Variants in ARHGAP21 observed in about 807,000 individuals in gnomAD.
The protein encoded by ARHGAP21 is Rho GTPase activating protein 21.
Under a neutral mutation model 164.6 loss-of-function variants are expected in ARHGAP21, and 38 were observed. The observed-to-expected ratio is 0.23, with a 90% CI of 0.18 to 0.30. ARHGAP21 has a LOEUF of 0.30. Ranked by LOEUF, ARHGAP21 falls within the 10% of genes least tolerant of loss-of-function variation. The pLI is 1.00. For synonymous variants in ARHGAP21, 766 were observed against 857.9 expected, an observed-to-expected ratio of 0.89 and a Z score of 1.87; for missense variants, 1,822 against 2,370.7, an observed-to-expected ratio of 0.77 and a Z score of 4.81.
chr10:24,719,611 G>A (rs888987156), intron 2 of ARHGAP21, among the ~76,000 whole-genome samples: 1 of 152,144 alleles, frequency 6.6e-6, no homozygotes, highest in African/African-American at 2.4e-5. Flanking sequence ...AATAATAAAT[G>A]TAGTATCCAA....
At chr10:24,629,607 A>ATT (rs201599192) in intron 7 of ARHGAP21, 8 of 153,190 alleles carry the variant, frequency 5.2e-5, no homozygotes, top group South Asian at 1.9e-4. Flanking sequence ...ATAAGATTCT[A>ATT]TTTTTTTTTT....
rs1422338490 is a variant in ARHGAP21, at chr10:24,594,949, C to G, written c.3876+1G>C. On this transcript the variant is annotated splice_donor_variant, in intron 21 of 25. Coordinates refer to ENST00000396432, the MANE Select transcript of ARHGAP21 (RefSeq NM_020824.4). LOFTEE classifies it high-confidence loss of function. ...ATTTCTTCAATAAGCATTTTACATA[C>G]CTTATTTTTTTCTGAATTTTCTGCC... 1 of 1,599,176 alleles carries G rather than the reference C, an allele frequency of 6.3e-7. No individual in the cohort carries two copies. Among genetic ancestry groups the G allele is most frequent in the South Asian group, 1.1e-5 (1 of 90,194 alleles).
chr10:24,607,713 A>T, intron 10 of ARHGAP21, 32 bp downstream of exon 10: 1 of 1,612,144 alleles, frequency 6.2e-7, no homozygotes, highest in Admixed American at 1.7e-5. Flanking sequence ...AGAGCATGAG[A>T]TACGGTTTAC....
At chr10:24,592,757 C>CA (rs963329560) in intron 21 of ARHGAP21, among the ~76,000 whole-genome samples, 2 of 149,370 alleles carry the variant, frequency 1.3e-5, no homozygotes, top group African/African-American at 2.5e-5. Flanking sequence ...AAAAAAAAAA[C>CA]AAAAAACTCC....
intron 23 of ARHGAP21, 81 bp downstream of exon 23, chr10:24,591,561 G>A: frequency 6.5e-7 from 1 of 1,531,800 alleles, no homozygotes. Context: ...TAGCAAAGCA[G>A]GAAGTTGACA....
intron 7 of ARHGAP21, chr10:24,628,912 TATACACATATATATAC>T (rs1436480701): frequency 1.2e-5 from 1 of 84,064 alleles, no homozygotes; most frequent in Admixed American, 1.3e-4. Flanking sequence ...TATACACATA[TATACACATATATATAC>T]ATACATATAT....
chr10:24,589,556 C>A, intron 24 of ARHGAP21: 1 of 423,244 alleles, frequency 2.4e-6, no homozygotes, highest in Non-Finnish European at 4.2e-6. Context: ...CTGTGCTAAA[C>A]AAAAACAGAA....
chr10:24,586,241 C>CT (rs200057186), intron 25 of ARHGAP21, 135 bp from the exon 26 acceptor site: 460 of 1,161,428 alleles, frequency 4.0e-4, no homozygotes, highest in African/African-American at 7.1e-4. Flanking sequence ...GTGCAATTAG[C>CT]TTTTTTTTTA....
intron 2 of ARHGAP21, among the ~76,000 whole-genome samples, chr10:24,704,416 G>A (rs150453521): frequency 0.017 from 2,446 of 147,270 alleles, 60 homozygotes; most frequent in African/African-American, 0.056. Flanking sequence ...TCAGCCTCCC[G>A]AGTAGCTGGG....
intron 2 of ARHGAP21, among the ~76,000 whole-genome samples, chr10:24,682,361 A>G (rs1158138711): frequency 2.6e-5 from 4 of 152,230 alleles, no homozygotes; most frequent in Non-Finnish European, 5.9e-5. Flanking sequence ...TGATGGAGCT[A>G]GCCCATGCTT....
chr10:24,661,521 CAACTGTTT>C (rs1839693738), intron 4 of ARHGAP21, among the ~76,000 whole-genome samples: 1 of 152,130 alleles, frequency 6.6e-6, no homozygotes, highest in Non-Finnish European at 1.5e-5. Context: ...CAAAATCATT[CAACTGTTT>C]AACAGAATTT....
Position 24,607,615 on chromosome 10 carries a change from A to G in ARHGAP21, c.2582-14T>C. The G allele has an allele frequency of 6.2e-7, 1 of 1,613,110 alleles. No individual in the cohort carries two copies. The highest frequency in any genetic ancestry group is 8.5e-7 in the Non-Finnish European group (1 of 1,179,116). ...GGCCAACAGATTCTGTAATTAATTA[A>G]AATCCAATATTTAGACATTCACAAG... On this transcript the variant is annotated splice_polypyrimidine_tract_variant and intron_variant, in intron 10 of 25. Coordinates refer to ENST00000396432, the MANE Select transcript of ARHGAP21 (RefSeq NM_020824.4).
At chr10:24,649,995 A>G (rs1837994839) in intron 4 of ARHGAP21, among the ~76,000 whole-genome samples, 1 of 152,172 alleles carries the variant, frequency 6.6e-6, no homozygotes, top group African/African-American at 2.4e-5. Context: ...CTGAACATAT[A>G]TTGGAAGAAA....
intron 20 of ARHGAP21, 26 bp downstream of exon 20, chr10:24,595,091 C>T (rs757148348): frequency 6.2e-7 from 1 of 1,605,638 alleles, no homozygotes; most frequent in South Asian, 1.1e-5. Context: ...TTAGTTGTAT[C>T]CCCCAAAATA....
At chr10:24,651,918 T>C (rs1838212834) in intron 4 of ARHGAP21, among the ~76,000 whole-genome samples, 1 of 152,214 alleles carries the variant, frequency 6.6e-6, no homozygotes, top group South Asian at 2.1e-4. Context: ...GAAGACATTC[T>C]ACCCAATAGC....
At chr10:24,707,459 C>T (rs1844349806) in intron 2 of ARHGAP21, among the ~76,000 whole-genome samples, 1 of 152,184 alleles carries the variant, frequency 6.6e-6, no homozygotes, top group Non-Finnish European at 1.5e-5. Context: ...GTCACCTCAA[C>T]CTGTGATTTT....
intron 4 of ARHGAP21, among the ~76,000 whole-genome samples, chr10:24,659,236 G>C (rs962025584): frequency 1.3e-5 from 2 of 152,208 alleles, no homozygotes; most frequent in Non-Finnish European, 2.9e-5. Context: ...ACCTGTGCAT[G>C]CATGTTCACA....
intron 8 of ARHGAP21, 92 bp downstream of exon 8, chr10:24,622,640 CA>C: frequency 7.4e-7 from 1 of 1,345,212 alleles, no homozygotes; most frequent in South Asian, 1.4e-5. Flanking sequence ...TTTCTCTAAG[CA>C]AAAGTGAACA....
In ARHGAP21 at chr10:24,591,214, G is replaced by C; in HGVS notation, c.4150+11C>G. The C allele has an allele frequency of 6.2e-7, 1 of 1,601,550 alleles. No homozygotes were observed. The highest frequency in any genetic ancestry group is 8.5e-7 in the Non-Finnish European group (1 of 1,171,120). Reference sequence around the variant, plus strand: ...CAGCCTAGAGGTCAAGACTGCCCAGGCAAGAGTTACCTGATACATCTCCTG... The same window carrying C: ...CAGCCTAGAGGTCAAGACTGCCCAGCCAAGAGTTACCTGATACATCTCCTG... On this transcript the variant is annotated intron_variant, in intron 24 of 25. Transcript: ENST00000396432.
Sources: gnomAD v4.1 joint callset for allele counts (sites outside exome capture counted in the v4.1 genomes callset) on GRCh38, gnomAD v4.1.1 for gene constraint, MANE v1.5 for transcripts, NCBI Gene and HGNC (gene_info 2026-07-23, HGNC 2026-07-21) for gene names.